The following VWA8 variants were observed in gnomAD, a reference collection of about 807,000 sequenced individuals.
The protein encoded by VWA8 is von Willebrand factor A domain containing 8, also known as von Willebrand factor A domain-containing protein 8.
VWA8 carries 221 observed loss-of-function variants against 241.5 expected under a neutral mutation model. The observed-to-expected ratio is 0.91, with a 90% CI of 0.82 to 1.02. The LOEUF (loss-of-function observed/expected upper bound fraction) is 1.02. Ranked by LOEUF, VWA8 falls within the 50% of genes least tolerant of loss-of-function variation. The probability of loss-of-function intolerance (pLI) is 0.00; values close to 1 mark genes in which losing one functional copy is unlikely to be tolerated. For missense variants in VWA8, 2,322 were observed against 2,328.7 expected (o/e 1.00, Z 0.06); for synonymous variants, 852 against 827.1 (o/e 1.03, Z -0.52).
intron 6 of VWA8, 100 bp downstream of exon 6, chr13:41,887,097 G>A: frequency 7.4e-7 from 1 of 1,357,642 alleles, no homozygotes; most frequent in Non-Finnish European, 1.0e-6. Flanking sequence ...GACCTACTCA[G>A]GAAGACATTC....
chr13:41,853,413 CTCTTTT>C, intron 12 of VWA8, among the ~76,000 whole-genome samples: 1 of 152,208 alleles, frequency 6.6e-6, no homozygotes, highest in Non-Finnish European at 1.5e-5. Flanking sequence ...AAAGTATTCC[CTCTTTT>C]TCTATTTTTT....
chr13:41,840,928 C>T (rs1471888993), intron 12 of VWA8, among the ~76,000 whole-genome samples: 1 of 152,122 alleles, frequency 6.6e-6, no homozygotes, highest in Non-Finnish European at 1.5e-5. Flanking sequence ...ATAATTATTA[C>T]AGCTAATCCT....
intron 4 of VWA8, among the ~76,000 whole-genome samples, chr13:41,893,843 C>T (rs954347898): frequency 3.3e-5 from 5 of 152,086 alleles, no homozygotes; most frequent in Non-Finnish European, 7.4e-5. Context: ...AAGATCGCAC[C>T]CCTACACTCC....
chr13:41,661,523 C>T (rs2044949977), intron 37 of VWA8, among the ~76,000 whole-genome samples: 1 of 152,162 alleles, frequency 6.6e-6, no homozygotes, highest in Non-Finnish European at 1.5e-5. Context: ...GCCTTAGTTT[C>T]TCCATCTGCA....
At chr13:41,876,519 T>C (rs1419462838) in intron 9 of VWA8, among the ~76,000 whole-genome samples, 1 of 152,150 alleles carries the variant, frequency 6.6e-6, no homozygotes, top group Non-Finnish European at 1.5e-5. Flanking sequence ...TTCAGAAATT[T>C]ATTCAAATGT....
chr13:41,959,830 G>C (rs1878529625), intron 1 of VWA8, among the ~76,000 whole-genome samples: 1 of 151,668 alleles, frequency 6.6e-6, no homozygotes, highest in Admixed American at 6.6e-5. Flanking sequence ...GGATGGTCTC[G>C]ATCTCCTGAC....
At chr13:41,830,327 A>AAG (rs1871391654) in intron 14 of VWA8, among the ~76,000 whole-genome samples, 1 of 151,868 alleles carries the variant, frequency 6.6e-6, no homozygotes, top group Non-Finnish European at 1.5e-5. Flanking sequence ...TAAAAAAAAA[A>AAG]AGTAAGGCTG....
intron 14 of VWA8, among the ~76,000 whole-genome samples, chr13:41,827,082 A>G (rs550888522): frequency 3.3e-5 from 5 of 152,122 alleles, no homozygotes; most frequent in African/African-American, 1.2e-4. Flanking sequence ...TTAAAATTAC[A>G]TTGTAATTAC....
rs376383641 is a variant in VWA8, at chr13:41,939,892, CAAT to C, written c.241+10041_241+10043del. Among the ~76,000 whole-genome samples the C allele has an allele frequency of 2.8e-4, 42 of 152,238 alleles. No homozygotes were observed. The South Asian group carries it at 8.3e-3, about 30-fold the overall frequency. ...TAATAGTGATTCTCCGTGCTCTAAA[CAAT>C]AAATTTGATAAAGATAGAAATAAAA... On this transcript the variant is annotated intron_variant, in intron 2 of 44. Coordinates refer to ENST00000379310, the MANE Select transcript of VWA8 (RefSeq NM_015058.2).
At chr13:41,823,547 T>TC (rs1310876966) in intron 14 of VWA8, among the ~76,000 whole-genome samples, 1 of 152,066 alleles carries the variant, frequency 6.6e-6, no homozygotes, top group Non-Finnish European at 1.5e-5. Context: ...GTATTTATAC[T>TC]CCCCCTTTCC....
chr13:41,886,473 A>G (rs17637993), intron 7 of VWA8, among the ~76,000 whole-genome samples: 13,384 of 152,154 alleles, frequency 0.088, 712 homozygotes, highest in African/African-American at 0.15. Flanking sequence ...ATTATTTAGG[A>G]CCCATTTCAA....
chr13:41,605,355 G>C, intron 39 of VWA8, 79 bp from the exon 40 acceptor site: 2 of 1,381,398 alleles, frequency 1.4e-6, no homozygotes, highest in Non-Finnish European at 2.0e-6. Context: ...CCTCCTGCTG[G>C]AACTTTAGCA....
Position 41,587,644 on chromosome 13 carries a change from C to T in VWA8, c.5139G>A (p.Lys1713=). The T allele has an allele frequency of 6.2e-7, 1 of 1,614,146 alleles. No homozygotes were observed. The highest frequency in any genetic ancestry group is 8.5e-7 in the Non-Finnish European group (1 of 1,180,008). ...PQLGSPQQKP[K]RLRLVVDVSG... ...ACACATCTACCACCAGGCGCAGACG[C>T]TTGGGTTTCTGTTGTGGGCTGCCAA... The change falls in exon 42 of 45, where the codon AAG becomes AAA. Residue 1713 remains lysine (K), a synonymous_variant. Coordinates refer to ENST00000379310, the MANE Select transcript of VWA8 (RefSeq NM_015058.2).
At chr13:41,670,908 T>A in intron 37 of VWA8, 38 bp downstream of exon 37, 1 of 1,605,644 alleles carries the variant, frequency 6.2e-7, no homozygotes, top group Non-Finnish European at 8.5e-7. Context: ...TATACTTGAA[T>A]GTGCACCTCT....
At chr13:41,726,468 A>G (rs2045434512) in intron 24 of VWA8, among the ~76,000 whole-genome samples, 1 of 152,226 alleles carries the variant, frequency 6.6e-6, no homozygotes, top group South Asian at 2.1e-4. Flanking sequence ...GAGTAAGTTT[A>G]TCCCAGGGCC....
At chr13:41,939,362 C>T (rs1877492689) in intron 2 of VWA8, among the ~76,000 whole-genome samples, 1 of 152,046 alleles carries the variant, frequency 6.6e-6, no homozygotes, top group African/African-American at 2.4e-5. Flanking sequence ...ATTCCGTTTT[C>T]ACATAGAAAA....
chr13:41,637,563 TA>T (rs964235811), intron 37 of VWA8, among the ~76,000 whole-genome samples: 16 of 148,534 alleles, frequency 1.1e-4, no homozygotes, highest in South Asian at 8.6e-4. Context: ...TAAAGTATAA[TA>T]AAAAAAAGAA....
intron 1 of VWA8, among the ~76,000 whole-genome samples, chr13:41,954,924 GATAA>G (rs1009627418): frequency 1.3e-5 from 2 of 152,076 alleles, no homozygotes; most frequent in Non-Finnish European, 2.9e-5. Context: ...CCTCCTAGCA[GATAA>G]ATAAGAAAAA....
At chr13:41,903,919 GA>G (rs1875577825) in intron 4 of VWA8, among the ~76,000 whole-genome samples, 1 of 152,160 alleles carries the variant, frequency 6.6e-6, no homozygotes, top group African/African-American at 2.4e-5. Context: ...AAGCAATAAA[GA>G]AAGGACTAAC....
Sources: allele counts gnomAD v4.1 joint callset (sites outside exome capture counted in the v4.1 genomes callset), GRCh38; gene constraint gnomAD v4.1.1; transcripts MANE v1.5; gene names NCBI Gene and HGNC (gene_info 2026-07-23, HGNC 2026-07-21).